The following METTL8 variants were observed in gnomAD, a reference collection of about 807,000 sequenced individuals.
METTL8 encodes methyltransferase 8, tRNA N3-cytidine, also known as tRNA N(3)-cytidine methyltransferase METTL8, mitochondrial.
In METTL8, 32 loss-of-function variants were observed where a neutral mutation model predicts 48.7. That is an observed-to-expected ratio of 0.66 (90% CI 0.50 to 0.88). The LOEUF is 0.88. METTL8 is among the 40% of genes least tolerant of loss of function. The probability of loss-of-function intolerance (pLI) is 0.00; values close to 1 mark genes in which losing one functional copy is unlikely to be tolerated. For synonymous variants in METTL8, 136 were observed against 157.1 expected (o/e 0.87, Z 1.01); for missense variants, 464 against 474.4 (o/e 0.98, Z 0.20).
intron 3 of METTL8, among the ~76,000 whole-genome samples, chr2:171,357,456 C>G (rs2105465462): frequency 6.6e-6 from 1 of 151,964 alleles, no homozygotes; most frequent in East Asian, 1.9e-4. Context: ...TATAAGATAC[C>G]TAGAAATCAA....
upstream of METTL8, chr2:171,434,421 C>T: frequency 7.7e-7 from 1 of 1,300,982 alleles, no homozygotes; most frequent in Non-Finnish European, 1.1e-6. Context: ...GCCCCGCCGT[C>T]GGGTGCTCCC....
intron 7 of METTL8, among the ~76,000 whole-genome samples, chr2:171,328,236 AAAAAATG>A (rs1209733576): frequency 6.6e-6 from 1 of 152,288 alleles, no homozygotes; most frequent in African/African-American, 2.4e-5. Flanking sequence ...AGGAAGAGAT[AAAAAATG>A]TATTGACTGC....
At chr2:171,422,901 A>T (rs963876367) in intron 1 of METTL8, among the ~76,000 whole-genome samples, 1 of 152,234 alleles carries the variant, frequency 6.6e-6, no homozygotes, top group Non-Finnish European at 1.5e-5. Context: ...ATCACCTAAA[A>T]AAGCTGAAGG....
chr2:171,387,521 CTCTG>C (rs1331015411), intron 2 of METTL8, among the ~76,000 whole-genome samples: 1 of 151,094 alleles, frequency 6.6e-6, no homozygotes, highest in African/African-American at 2.4e-5. Flanking sequence ...CAGAGCGAGA[CTCTG>C]TCTTATTTAA....
intron 2 of METTL8, chr2:171,374,811 T>A (rs1158744404): frequency 6.1e-6 from 4 of 658,624 alleles, no homozygotes; most frequent in Non-Finnish European, 1.1e-5. Context: ...AATTCATCCA[T>A]GTTGTATATG....
At chr2:171,384,464 C>T (rs185837610) in intron 2 of METTL8, among the ~76,000 whole-genome samples, 12 of 152,174 alleles carry the variant, frequency 7.9e-5, no homozygotes, top group East Asian at 5.8e-4. Flanking sequence ...GAGCTGTGAC[C>T]GTGCCACTGC....
intron 5 of METTL8, among the ~76,000 whole-genome samples, chr2:171,336,317 G>A (rs1478348297): frequency 2.0e-5 from 3 of 147,124 alleles, no homozygotes; most frequent in South Asian, 2.1e-4. Flanking sequence ...GGCTGGTCTC[G>A]AACTCCTGAT....
At chr2:171,392,473 A>C (rs1688665260) in intron 1 of METTL8, among the ~76,000 whole-genome samples, 1 of 152,192 alleles carries the variant, frequency 6.6e-6, no homozygotes, top group Non-Finnish European at 1.5e-5. Context: ...TTGCTTATTT[A>C]ATTTTTAGCA....
intron 1 of METTL8, among the ~76,000 whole-genome samples, chr2:171,402,958 T>C (rs1054688966): frequency 6.6e-6 from 1 of 152,152 alleles, no homozygotes; most frequent in Admixed American, 6.6e-5. Flanking sequence ...TAAAAAGTAG[T>C]TTTGGATTAC....
rs536208580 is a variant in METTL8, at chr2:171,317,017, G to C, written c.*7155C>G. Among the ~76,000 whole-genome samples the C allele has an allele frequency of 6.5e-4, 99 of 152,306 alleles. No individual in the cohort carries two copies. Among genetic ancestry groups the C allele is most frequent in the African/African-American group, 2.1e-3 (89 of 41,574 alleles). On this transcript the variant is annotated 3_prime_UTR_variant, in exon 10 of 10. Transcript: ENST00000375258. ...CACAAGTTGCTCTCAGGAGGCAGAA[G>C]GTGAGAGAAATGAGGCAGCAATTAC...
chr2:171,337,410 T>A (rs1341692862), intron 5 of METTL8, 43 bp downstream of exon 5: 3 of 1,439,884 alleles, frequency 2.1e-6, no homozygotes, highest in Non-Finnish European at 2.9e-6. Context: ...CAACATTCCA[T>A]AAATATGTAA....
In METTL8 at chr2:171,392,132, T is replaced by C. The variant is rs1196502883; in HGVS notation, c.54A>G (p.Pro18=). The change falls in exon 2 of 10, where the codon CCA becomes CCG. Residue 18 remains proline (P), a synonymous_variant. Transcript: ENST00000375258. The part of the protein sequence containing the change: ...SISCLRLGKV[P]HRYQSGYHPV... The stretch of plus-strand genomic sequence containing the variant: ...GGTGGTAACCACTTTGGTATCTGTG[T>C]GGCACCTTTCCTAGCCTTAGACAAG... 1 of 1,551,678 alleles carries C rather than the reference T, an allele frequency of 6.4e-7. No homozygotes were observed. Among genetic ancestry groups the C allele is most frequent in the South Asian group, 1.2e-5 (1 of 84,056 alleles).
intron 2 of METTL8, among the ~76,000 whole-genome samples, chr2:171,388,774 G>A (rs1200734973): frequency 1.3e-5 from 2 of 152,038 alleles, no homozygotes; most frequent in Admixed American, 1.3e-4. Flanking sequence ...TCATGTCTCT[G>A]TTACATTTTG....
intron 1 of METTL8, among the ~76,000 whole-genome samples, chr2:171,421,938 T>C (rs1246590103): frequency 6.6e-6 from 1 of 152,220 alleles, no homozygotes; most frequent in Admixed American, 6.5e-5. Context: ...ACAGATTTAA[T>C]GCCATCCCAA....
intron 3 of METTL8, among the ~76,000 whole-genome samples, chr2:171,351,578 A>G (rs1683929572): frequency 6.6e-6 from 1 of 152,104 alleles, no homozygotes; most frequent in Non-Finnish European, 1.5e-5. Context: ...CATGCTATTG[A>G]TTCTTCCTAT....
intron 2 of METTL8, among the ~76,000 whole-genome samples, chr2:171,364,048 G>C (rs949151215): frequency 1.1e-4 from 17 of 151,432 alleles, no homozygotes; most frequent in African/African-American, 4.1e-4. Flanking sequence ...CCTGACCTCA[G>C]GTGATTTGCC....
intron 2 of METTL8, among the ~76,000 whole-genome samples, chr2:171,368,117 A>T (rs1685908142): frequency 6.6e-6 from 1 of 152,232 alleles, no homozygotes; most frequent in Non-Finnish European, 1.5e-5. Context: ...ACAAAAATGA[A>T]ACAATTAAAA....
intron 1 of METTL8, among the ~76,000 whole-genome samples, chr2:171,427,459 G>A (rs936855410): frequency 2.6e-5 from 4 of 152,092 alleles, no homozygotes; most frequent in African/African-American, 7.2e-5. Context: ...AAAGCTTAAC[G>A]TCTTGGTCCC....
At chr2:171,334,569 T>C (rs1685887351) in intron 5 of METTL8, among the ~76,000 whole-genome samples, 1 of 152,156 alleles carries the variant, frequency 6.6e-6, no homozygotes, top group South Asian at 2.1e-4. Flanking sequence ...TCCTACACTC[T>C]CTAAAAGTAG....
Sources: allele counts gnomAD v4.1 joint callset (sites outside exome capture counted in the v4.1 genomes callset), GRCh38; gene constraint gnomAD v4.1.1; transcripts MANE v1.5; gene names NCBI Gene and HGNC (gene_info 2026-07-23, HGNC 2026-07-21).